Variants in ZNF320 observed in about 807,000 individuals in gnomAD.
ZNF320 encodes the protein zinc finger gene 320.
In ZNF320, 2 loss-of-function variants were observed where a neutral mutation model predicts 6.8. The observed-to-expected ratio is 0.29, with a 90% CI of 0.12 to 0.93. ZNF320 has a LOEUF of 0.93. Ranked by LOEUF, ZNF320 falls within the 40% of genes least tolerant of loss-of-function variation. The probability of loss-of-function intolerance (pLI) is 0.55; values close to 1 mark genes in which losing one functional copy is unlikely to be tolerated. For synonymous variants in ZNF320, 208 were observed against 203.2 expected, an observed-to-expected ratio of 1.02 and a Z score of -0.20; for missense variants, 472 against 611.0, an observed-to-expected ratio of 0.77 and a Z score of 2.40.
intron 5 of ZNF320, among the ~76,000 whole-genome samples, chr19:52,869,615 C>A (rs936123043): frequency 8.6e-5 from 13 of 152,044 alleles, no homozygotes; most frequent in Non-Finnish European, 2.9e-5. Context: ...CGGCTCACTG[C>A]AACCCCTGCC....
At chr19:52,896,000 T>G (rs1036217025) in intron 1 of ZNF320, among the ~76,000 whole-genome samples, 1 of 152,066 alleles carries the variant, frequency 6.6e-6, no homozygotes, top group African/African-American at 2.4e-5. Flanking sequence ...TCTAATAAAA[T>G]GTAGGGTCAA....
the ZNF320 span, among the ~76,000 whole-genome samples, chr19:52,904,261 A>C: frequency 6.6e-6 from 1 of 152,232 alleles, no homozygotes; most frequent in African/African-American, 2.4e-5. Flanking sequence ...CGTGTCACTC[A>C]GGCTGGCCAG....
At chr19:52,902,807 G>A in the ZNF320 span, among the ~76,000 whole-genome samples, 1 of 151,896 alleles carries the variant, frequency 6.6e-6, no homozygotes, top group Non-Finnish European at 1.5e-5. Flanking sequence ...TTAACTTTTT[G>A]TAATTTTTGT....
exon 6 of ZNF320, chr19:52,862,269 G>C: frequency 2.9e-6 from 2 of 686,298 alleles, no homozygotes; most frequent in Non-Finnish European, 4.9e-6. Flanking sequence ...ACACTTGTAA[G>C]GTTTCTCTCC....
Position 52,881,834 on chromosome 19 carries a change from C to G in ZNF320, c.292G>C (p.Val98Leu), listed in dbSNP as rs536607948. 5 of 1,613,782 alleles carry G rather than the reference C, an allele frequency of 3.1e-6. No individual in the cohort carries two copies. In the South Asian group the frequency reaches 5.5e-5, roughly 18 times the overall value. ...GTTTCATCTTCTTGCCACTGAAACA[C>G]AAAGTCATGAATGTCTTTCTCAATT... ...QEIEKDIHDF[V>L]FQWQEDETND... The change falls in exon 6 of 6, where the codon GTG becomes CTG. Residue 98 changes from valine to leucine, a missense_variant. Transcript: ENST00000682928.
chr19:52,865,454 A>ATATATATATT (rs1250424261), intron 5 of ZNF320: 2 of 78,002 alleles, frequency 2.6e-5, no homozygotes, highest in African/African-American at 1.4e-4. Context: ...ATATATATGT[A>ATATATATATT]ATACATATAT....
the ZNF320 span, among the ~76,000 whole-genome samples, chr19:52,902,934 T>C: frequency 1.3e-5 from 2 of 152,292 alleles, no homozygotes; most frequent in Middle Eastern, 6.8e-3. Flanking sequence ...ACACACAGAA[T>C]TTTCTTTACA....
At chr19:52,900,357 G>A (rs1237611029), upstream of ZNF320, among the ~76,000 whole-genome samples, 7 of 152,104 alleles carry the variant, frequency 4.6e-5, no homozygotes, top group African/African-American at 1.7e-4. Flanking sequence ...ATGCAATACC[G>A]TCTAATAATT....
chr19:52,902,323 C>G (rs1250056392), upstream of ZNF320, among the ~76,000 whole-genome samples: 1 of 152,234 alleles, frequency 6.6e-6, no homozygotes, highest in Non-Finnish European at 1.5e-5. Context: ...CTATATGTTA[C>G]TCCAGGCTGT....
chr19:52,894,541 A>G (rs1487627994), intron 1 of ZNF320, among the ~76,000 whole-genome samples: 1 of 152,170 alleles, frequency 6.6e-6, no homozygotes, highest in Non-Finnish European at 1.5e-5. Flanking sequence ...ATACGTTCAA[A>G]ATAAACACAA....
At chr19:52,882,723 G>A (rs79900362) in intron 5 of ZNF320, among the ~76,000 whole-genome samples, 11 of 152,264 alleles carry the variant, frequency 7.2e-5, no homozygotes, top group East Asian at 5.8e-4. Context: ...CAGGCACATC[G>A]CCTCAGGTTA....
At position 52,878,479 on chromosome 19, in the gene ZNF320, G is replaced by C. The variant is rs2063824402; in HGVS notation, c.*2117C>G. On this transcript the variant is annotated 3_prime_UTR_variant, in exon 6 of 6. Coordinates refer to ENST00000682928, the MANE Select transcript of ZNF320 (RefSeq NM_001351774.2). ...TTAGCCAGGATTTTCTCGATCTCCT[G>C]ACCTCGTGATGCTCTTGCCTCGGCC... 6.6e-6 allele frequency: 1 copy of C among 152,066 alleles called. No individual in the cohort carries two copies. Among genetic ancestry groups the C allele is most frequent in the Non-Finnish European group, 1.5e-5 (1 of 68,152 alleles). The allele number at this position is 152,066 out of a possible 1,614,324, so 9.4% of individuals were successfully genotyped here.
chr19:52,882,936 G>A (rs111939105), intron 5 of ZNF320, among the ~76,000 whole-genome samples: 13,463 of 150,538 alleles, frequency 0.089, 883 homozygotes, highest in Admixed American at 0.23. Context: ...GTGAGACTCC[G>A]TCTCAAAAAA....
intron 5 of ZNF320, among the ~76,000 whole-genome samples, chr19:52,887,744 G>A (rs1298441352): frequency 3.9e-5 from 6 of 151,954 alleles, no homozygotes; most frequent in Non-Finnish European, 7.4e-5. Context: ...GCACCATGAC[G>A]TCCGGCTAAT....
chr19:52,872,263 A>G (rs2147785862), downstream of ZNF320, among the ~76,000 whole-genome samples: 1 of 152,320 alleles, frequency 6.6e-6, no homozygotes, highest in East Asian at 1.9e-4. Flanking sequence ...CAGACACAAA[A>G]TATCTCCCAT....
intron 1 of ZNF320, among the ~76,000 whole-genome samples, chr19:52,894,586 G>GA (rs1284554273): frequency 6.6e-6 from 1 of 151,936 alleles, no homozygotes; most frequent in Non-Finnish European, 1.5e-5. Flanking sequence ...TTAAAACACT[G>GA]AAAGAGGCCA....
At chr19:52,898,988 T>A (rs1457937598), upstream of ZNF320, among the ~76,000 whole-genome samples, 1 of 152,242 alleles carries the variant, frequency 6.6e-6, no homozygotes, top group Non-Finnish European at 1.5e-5. Context: ...AGGGTCTCTG[T>A]CTTCCTTTAT....
upstream of ZNF320, among the ~76,000 whole-genome samples, chr19:52,898,346 GGGCGAGGTGGCGAGTCTGGGGTCCC>G (rs1417995102): frequency 6.6e-5 from 10 of 152,280 alleles, no homozygotes; most frequent in East Asian, 1.9e-3. Context: ...GCAGGGATGT[GGGCGAGGTGGCGAGTCTGGGGTCCC>G]GGCTACTCAG....
chr19:52,882,435 C>G (rs1160630637), intron 5 of ZNF320, among the ~76,000 whole-genome samples: 1 of 152,168 alleles, frequency 6.6e-6, no homozygotes, highest in East Asian at 1.9e-4. Flanking sequence ...TAAGGATAAT[C>G]AAAATCAATG....
Sources: allele counts gnomAD v4.1 joint callset (sites outside exome capture counted in the v4.1 genomes callset), GRCh38; gene constraint gnomAD v4.1.1; transcripts MANE v1.5; gene names NCBI Gene and HGNC (gene_info 2026-07-23, HGNC 2026-07-21).